TPO: variants seen among roughly 807,000 people sequenced by gnomAD.
TPO encodes thyroid microsomal antigen.
In TPO, 78 loss-of-function variants were observed where a neutral mutation model predicts 96.9. That is an observed-to-expected ratio of 0.81 (90% CI 0.67 to 0.97). TPO has a LOEUF of 0.97. Among genes scored for constraint, TPO ranks in the 50% least tolerant of loss-of-function variants. The pLI, the probability that TPO is intolerant of heterozygous loss-of-function variation, is 0.00. For synonymous variants in TPO, 547 were observed against 538.0 expected, an observed-to-expected ratio of 1.02 and a Z score of -0.23; for missense variants, 1,252 against 1,274.8, an observed-to-expected ratio of 0.98 and a Z score of 0.27.
intron 1 of TPO, among the ~76,000 whole-genome samples, chr2:1,399,921 C>G (rs1039895397): frequency 6.6e-6 from 1 of 152,162 alleles, no homozygotes; most frequent in African/African-American, 2.4e-5. Flanking sequence ...AGGTGAGTGT[C>G]CTGCATTTTA....
At chr2:1,519,630 C>T (rs1015965714) in intron 15 of TPO, among the ~76,000 whole-genome samples, 2 of 152,044 alleles carry the variant, frequency 1.3e-5, no homozygotes, top group African/African-American at 4.8e-5. Context: ...AATTAAAACC[C>T]TCAGCTAACC....
intron 7 of TPO, among the ~76,000 whole-genome samples, chr2:1,475,665 C>T (rs1669847843): frequency 6.6e-6 from 1 of 152,130 alleles, no homozygotes; most frequent in African/African-American, 2.4e-5. Context: ...CCTCGTGATC[C>T]GCCCACCTCG....
chr2:1,381,012 A>G (rs1030617327), intron 1 of TPO, among the ~76,000 whole-genome samples: 4 of 152,200 alleles, frequency 2.6e-5, no homozygotes, highest in African/African-American at 9.7e-5. Context: ...TCTGGGGCAC[A>G]TGTGCTGAAC....
chr2:1,439,201 C>T (rs1665912524), intron 5 of TPO: 1 of 235,832 alleles, frequency 4.2e-6, no homozygotes, highest in Admixed American at 5.0e-5. Context: ...ACTGACGCTC[C>T]TGGGAGAATC....
chr2:1,400,208 A>T (rs947959811), intron 1 of TPO, among the ~76,000 whole-genome samples: 1 of 152,206 alleles, frequency 6.6e-6, no homozygotes, highest in African/African-American at 2.4e-5. Context: ...AAAACCAAAA[A>T]TAGGCCAGCT....
intron 16 of TPO, chr2:1,541,380 TAG>T (rs1280984792): frequency 4.9e-6 from 1 of 204,526 alleles, no homozygotes; most frequent in Admixed American, 5.5e-5. Flanking sequence ...TTTTTTGAGA[TAG>T]AGTCTTGCTC....
intron 1 of TPO, among the ~76,000 whole-genome samples, chr2:1,386,251 T>A (rs1180900414): frequency 6.6e-6 from 1 of 152,148 alleles, no homozygotes; most frequent in Non-Finnish European, 1.5e-5. Flanking sequence ...AGAGCTCAGT[T>A]CAATTCCTGC....
chr2:1,404,603 G>A (rs568564412), intron 1 of TPO, among the ~76,000 whole-genome samples: 2 of 152,266 alleles, frequency 1.3e-5, no homozygotes, highest in East Asian at 3.9e-4. Flanking sequence ...GAAGACGCAG[G>A]GGAAGGTGAC....
rs1029935847 is a variant in TPO at position 1,504,020 on chromosome 2, G to A, written c.2459G>A (p.Gly820Asp). 3.7e-6 allele frequency: 6 copies of A among 1,614,102 alleles called. No individual in the cohort carries two copies. The African/African-American group carries it at 6.7e-5, about 18-fold the overall frequency. ...ASARCRNTKG[G>D]FQCLCADPYE... is the part of the protein sequence containing the mutation. ...GCGAGGTGCAGAAACACCAAAGGCG[G>A]CTTCCAGTGTCTCTGCGCGGACCCC... Residue 820 changes from glycine (G) to aspartate (D), a missense_variant, in exon 14 of 17, where the codon GGC becomes GAC. Transcript: ENST00000329066.
intron 16 of TPO, 72 bp from the exon 17 acceptor site, chr2:1,542,349 G>C: frequency 6.3e-7 from 1 of 1,591,756 alleles, no homozygotes; most frequent in Non-Finnish European, 8.6e-7. Flanking sequence ...CTTCTGTCTT[G>C]TATCAAGTGT....
At chr2:1,377,061 G>T (rs1349008400) in intron 1 of TPO, among the ~76,000 whole-genome samples, 2 of 152,196 alleles carry the variant, frequency 1.3e-5, no homozygotes, top group Non-Finnish European at 2.9e-5. Flanking sequence ...ATTTACACCA[G>T]AGTCAGAGCT....
At chr2:1,521,148 A>C (rs1675214661) in intron 15 of TPO, among the ~76,000 whole-genome samples, 1 of 152,278 alleles carries the variant, frequency 6.6e-6, no homozygotes, top group Admixed American at 6.5e-5. Context: ...ATGCATTATA[A>C]ATTCAAGAAA....
upstream of TPO, among the ~76,000 whole-genome samples, chr2:1,409,877 T>A (rs1005060239): frequency 2.7e-5 from 4 of 147,790 alleles, no homozygotes. Context: ...CCCTCCTATA[T>A]GGAATCTAAA....
intron 1 of TPO, among the ~76,000 whole-genome samples, chr2:1,405,094 A>C: frequency 2.1e-5 from 2 of 94,498 alleles, no homozygotes; most frequent in African/African-American, 4.3e-5. Flanking sequence ...CGGCCCATTC[A>C]CCCATCCACC....
At chr2:1,537,993 A>AC (rs1680240106) in intron 15 of TPO, among the ~76,000 whole-genome samples, 1 of 52,874 alleles carries the variant, frequency 1.9e-5, no homozygotes, top group Admixed American at 3.3e-4. Context: ...CACTCTGTGC[A>AC]ACCCCCCCAA....
At chr2:1,413,732 T>C in intron 1 of TPO, 187 bp downstream of exon 1, 1 of 985,382 alleles carries the variant, frequency 1.0e-6, no homozygotes. Context: ...ATGTGAGTCC[T>C]GTAGGGTCGA....
chr2:1,455,990 AC>A, intron 6 of TPO, 85 bp from the exon 7 acceptor site: 2 of 1,370,326 alleles, frequency 1.5e-6, no homozygotes, highest in South Asian at 2.5e-5. Flanking sequence ...CAAGAACCAC[AC>A]CAGGAAGTGC....
intron 15 of TPO, among the ~76,000 whole-genome samples, chr2:1,518,119 G>A (rs911270116): frequency 2.6e-5 from 4 of 152,148 alleles, no homozygotes; most frequent in Admixed American, 6.6e-5. Flanking sequence ...AGCCTCACCC[G>A]ATACCACATA....
chr2:1,483,978 G>A (rs114722659), intron 8 of TPO, among the ~76,000 whole-genome samples: 2,372 of 152,268 alleles, frequency 0.016, 62 homozygotes, highest in African/African-American at 0.054. Context: ...TTCCTATTAT[G>A]CTTCATTTGG....
Sources: allele counts gnomAD v4.1 joint callset (sites outside exome capture counted in the v4.1 genomes callset), GRCh38; gene constraint gnomAD v4.1.1; transcripts MANE v1.5; gene names NCBI Gene and HGNC (gene_info 2026-07-23, HGNC 2026-07-21).